Variants in MYRFL observed in about 807,000 individuals in gnomAD.
The protein encoded by MYRFL is myelin regulatory factor-like protein.
Under a neutral mutation model 109.4 loss-of-function variants are expected in MYRFL, and 88 were observed. The ratio of observed to expected loss-of-function variants is 0.80; its 90% CI spans 0.68 to 0.96. The LOEUF is 0.96. Among genes scored for constraint, MYRFL ranks in the 40% least tolerant of loss-of-function variants. MYRFL has a pLI of 0.00. For missense variants in MYRFL, 957 were observed against 954.9 expected (o/e 1.00, Z -0.03); for synonymous variants, 324 against 320.9 (o/e 1.01, Z -0.10).
chr12:69,893,959 C>A (rs972875033), intron 8 of MYRFL, 119 bp downstream of exon 8: 30 of 246,804 alleles, frequency 1.2e-4, no homozygotes, highest in African/African-American at 6.1e-4. Flanking sequence ...TAAAATGAAA[C>A]CTACCATAGA....
chr12:69,872,223 T>A, intron 2 of MYRFL, among the ~76,000 whole-genome samples: 1 of 152,220 alleles, frequency 6.6e-6, no homozygotes, highest in East Asian at 1.9e-4. Context: ...CTTGTACACA[T>A]TTTTCTCTTG....
At chr12:69,853,334 C>G (rs964534078) in intron 1 of MYRFL, among the ~76,000 whole-genome samples, 1 of 145,756 alleles carries the variant, frequency 6.9e-6, no homozygotes, top group Admixed American at 6.8e-5. Flanking sequence ...GGCTGCTGGG[C>G]GGAGGGGCTC....
chr12:69,860,117 A>G (rs544292908), intron 2 of MYRFL, among the ~76,000 whole-genome samples: 1 of 152,172 alleles, frequency 6.6e-6, no homozygotes, highest in Non-Finnish European at 1.5e-5. Context: ...TGGGCCCCCC[A>G]ACAGGCTCCA....
At chr12:69,934,314 C>T (rs1034132325) in intron 16 of MYRFL, among the ~76,000 whole-genome samples, 4 of 152,238 alleles carry the variant, frequency 2.6e-5, no homozygotes, top group Non-Finnish European at 5.9e-5. Context: ...ATGCAGGGCT[C>T]ATGGCCAGTC....
intron 10 of MYRFL, among the ~76,000 whole-genome samples, chr12:69,897,617 T>G (rs1235819030): frequency 1.3e-5 from 2 of 152,240 alleles, no homozygotes; most frequent in Non-Finnish European, 2.9e-5. Flanking sequence ...GGCACTGAGC[T>G]AAACAATTTA....
chr12:69,837,637 T>G (rs1290988340), intron 1 of MYRFL, among the ~76,000 whole-genome samples: 1 of 152,170 alleles, frequency 6.6e-6, no homozygotes, highest in East Asian at 1.9e-4. Flanking sequence ...AAAGTAGAAT[T>G]TAACCCAGGC....
chr12:69,854,473 TC>T (rs1285822059), intron 1 of MYRFL, among the ~76,000 whole-genome samples: 3 of 150,876 alleles, frequency 2.0e-5, no homozygotes, highest in Non-Finnish European at 4.4e-5. Flanking sequence ...AACCTTTGCC[TC>T]CTGGGTTCAA....
intron 13 of MYRFL, among the ~76,000 whole-genome samples, chr12:69,925,260 GATCTGTGTGGCTGCTC>G (rs1955040531): frequency 6.6e-6 from 1 of 152,182 alleles, no homozygotes; most frequent in Admixed American, 6.5e-5. Flanking sequence ...GGCCTCAACA[GATCTGTGTGGCTGCTC>G]TGGGAGTTTC....
chr12:69,849,923 T>C (rs1206603768), intron 1 of MYRFL, among the ~76,000 whole-genome samples: 2 of 152,204 alleles, frequency 1.3e-5, no homozygotes, highest in East Asian at 1.9e-4. Flanking sequence ...TGTGGGTGGA[T>C]GGATGGGTGA....
At chr12:69,877,026 T>TCTTTCTTTC (rs1555245927) in intron 2 of MYRFL, among the ~76,000 whole-genome samples, 5 of 97,338 alleles carry the variant, frequency 5.1e-5, no homozygotes, top group African/African-American at 1.1e-4. Flanking sequence ...TTTCTTTCTT[T>TCTTTCTTTC]TTTTTTTTTT....
intron 6 of MYRFL, among the ~76,000 whole-genome samples, chr12:69,887,603 A>T (rs1886538599): frequency 6.6e-6 from 1 of 152,238 alleles, no homozygotes; most frequent in South Asian, 2.1e-4. Flanking sequence ...ATTTCTTAGC[A>T]TGTAATTTAC....
rs893026977 is a variant in MYRFL at position 69,868,906 on chromosome 12, G to A, written c.138-10122G>A. Among the ~76,000 whole-genome samples the A allele has an allele frequency of 8.4e-4, 127 of 151,306 alleles. 1 individual carries two copies. Among genetic ancestry groups the A allele is most frequent in the African/African-American group, 2.7e-3 (112 of 41,222 alleles). ...TGCACTCACACACACGTACGCACAC[G>A]CGCACACACACATGTACTCACACGT... On this transcript the variant is annotated intron_variant, in intron 2 of 24. Coordinates refer to ENST00000552032, the MANE Select transcript of MYRFL (RefSeq NM_182530.3).
intron 19 of MYRFL, among the ~76,000 whole-genome samples, chr12:69,942,690 A>G (rs1178472828): frequency 1.3e-5 from 2 of 151,960 alleles, no homozygotes; most frequent in Non-Finnish European, 2.9e-5. Flanking sequence ...GGCCAGGGCA[A>G]TTAGGCAGGA....
At position 69,871,231 on chromosome 12, in the gene MYRFL, CTTTTTTTTTT is replaced by C. The variant is rs58723853; in HGVS notation, c.138-7787_138-7778del. Among the ~76,000 whole-genome samples, 5 of 124,740 alleles carry C rather than the reference CTTTTTTTTTT, an allele frequency of 4.0e-5. No individual in the cohort carries two copies. In the East Asian group the frequency reaches 6.7e-4, roughly 17 times the overall value. 81.8% of individuals were successfully genotyped at this position (124,740 alleles called of 152,430 possible). On this transcript the variant is annotated intron_variant, in intron 2 of 24. Transcript: ENST00000552032. ...ACTTTCCAACTCTTTTTGGATATTTCTTTTTTTTTTTTTTTTTTTGAGATGGAGTCTTGCT... is the reference window on the plus strand; with the variant it reads ...ACTTTCCAACTCTTTTTGGATATTTCTTTTTTTTTGAGATGGAGTCTTGCT...
intron 1 of MYRFL, among the ~76,000 whole-genome samples, chr12:69,839,066 T>G (rs1173286143): frequency 1.3e-5 from 2 of 152,180 alleles, no homozygotes; most frequent in Non-Finnish European, 2.9e-5. Context: ...GATGGATTCA[T>G]CTGGCATTTT....
At chr12:69,891,693 C>CTTTT (rs1566002958) in intron 7 of MYRFL, among the ~76,000 whole-genome samples, 3 of 98,430 alleles carry the variant, frequency 3.0e-5, no homozygotes, top group South Asian at 3.8e-4. Flanking sequence ...TTCGTTCGTT[C>CTTTT]GTTCTTTCTT....
At chr12:69,898,518 G>T (rs1566009030) in intron 10 of MYRFL, among the ~76,000 whole-genome samples, 3 of 152,204 alleles carry the variant, frequency 2.0e-5, no homozygotes, top group Admixed American at 1.3e-4. Flanking sequence ...CCATCCCTCT[G>T]CAGGGGCCAG....
At chr12:69,829,905 C>A (rs1405892412) in intron 1 of MYRFL, among the ~76,000 whole-genome samples, 1 of 152,054 alleles carries the variant, frequency 6.6e-6, no homozygotes, top group Non-Finnish European at 1.5e-5. Flanking sequence ...CCAGTGCTGG[C>A]ACTGGGCAAG....
In MYRFL at chr12:69,891,082, A is replaced by G. The variant is rs1475374201; in HGVS notation, c.819A>G (p.Gln273=). 2.6e-6 allele frequency: 4 copies of G among 1,535,074 alleles called. No homozygotes were observed. The Admixed American group carries it at 7.9e-5, about 30-fold the overall frequency. ...ATTTCCAGATAACCATTCACATCCA[A>G]GTTTGGGGAAGTCCAAAATTTGTTG... ...KNHFQITIHI[Q]VWGSPKFVET... Residue 273 remains glutamine (Q), a synonymous_variant, in exon 7 of 25, where the codon CAA becomes CAG. Coordinates refer to ENST00000552032, the MANE Select transcript of MYRFL (RefSeq NM_182530.3).
Sources: gnomAD v4.1 joint callset for allele counts (sites outside exome capture counted in the v4.1 genomes callset) on GRCh38, gnomAD v4.1.1 for gene constraint, MANE v1.5 for transcripts, NCBI Gene and HGNC (gene_info 2026-07-23, HGNC 2026-07-21) for gene names.